ZBTB14: variants seen among roughly 807,000 people sequenced by gnomAD.
The protein encoded by ZBTB14 is zinc finger and BTB domain containing 14.
A neutral mutation model predicts 29.5 loss-of-function variants in ZBTB14; 8 were observed. The observed-to-expected ratio is 0.27, with a 90% CI of 0.16 to 0.49. The LOEUF (loss-of-function observed/expected upper bound fraction) is 0.49, where lower values mean the gene tolerates loss of function less well. Ranked by LOEUF, ZBTB14 falls within the 20% of genes least tolerant of loss-of-function variation. The pLI, the probability that ZBTB14 is intolerant of heterozygous loss-of-function variation, is 0.99. For synonymous variants in ZBTB14, 226 were observed against 207.2 expected (o/e 1.09, Z -0.78); for missense variants, 333 against 563.8 (o/e 0.59, Z 4.15).
chr18:5,294,054 T>A (rs189660334), intron 1 of ZBTB14, 53 bp from the exon 2 acceptor site: 1 of 152,338 alleles, frequency 6.6e-6, no homozygotes, highest in East Asian at 1.9e-4. Context: ...GATAAGTTGT[T>A]TGGTGTGGTA....
intron 3 of ZBTB14, 64 bp downstream of exon 3, chr18:5,293,180 T>C (rs1268066088): frequency 1.9e-6 from 3 of 1,558,254 alleles, no homozygotes; most frequent in East Asian, 2.2e-5. Flanking sequence ...AGAATTGGTA[T>C]ATATATTTTA....
intron 2 of ZBTB14, chr18:5,293,752 G>A (rs1278879067): frequency 2.2e-5 from 2 of 92,010 alleles, no homozygotes; most frequent in East Asian, 1.0e-3. Flanking sequence ...ACCTATAGAA[G>A]TATATACCTT....
In ZBTB14 at chr18:5,291,147, ACT is replaced by A; in HGVS notation, c.1059_1060del (p.Arg353SerfsTer4). The A allele has an allele frequency of 6.2e-7, 1 of 1,613,822 alleles. No homozygotes were observed. The highest frequency in any genetic ancestry group is 1.1e-5 in the South Asian group (1 of 91,082). Reference sequence around the variant, plus strand: ...CGCAAACGGTCTTTCATTACTGTGAACTCTCTCATGCTTCTTTAAGTCTGGGG... The same window carrying A: ...CGCAAACGGTCTTTCATTACTGTGAACTCTCATGCTTCTTTAAGTCTGGGG... On this transcript the variant is annotated frameshift_variant, in exon 4 of 4. Transcript: ENST00000651870. LOFTEE classifies it high-confidence loss of function. The surrounding 1 kb of genome is among the most constrained non-coding windows in gnomAD (Gnocchi z 5.8).
chr18:5,295,152 G>C (rs1308198398), intron 1 of ZBTB14, among the ~76,000 whole-genome samples: 6 of 144,680 alleles, frequency 4.1e-5, no homozygotes, highest in Non-Finnish European at 7.6e-5. Context: ...GCGGCGCGAC[G>C]AGCGGGAGCG....
chr18:5,291,832 G>C lies in ZBTB14; in HGVS notation c.376C>G (p.Gln126Glu), dbSNP rs773755916. ...GIRFLDKLCS[Q>E]KRDVSSPDEN... ...TCGGGACTGGACACATCACGCTTCT[G>C]AGAACACAGTTTATCCAAAAATCGG... Residue 126 changes from glutamine (Q) to glutamate (E), a missense_variant, in exon 4 of 4, where the codon CAG (glutamine) becomes GAG (glutamate). Physicochemically the swap from Gln to Glu is conservative, Grantham distance 29. Around this residue, in one of 3 missense-constraint regions of ZBTB14, gnomAD observed 67 missense variants for 157.0 expected, o/e 0.43. Coordinates refer to ENST00000651870, the MANE Select transcript of ZBTB14 (RefSeq NM_001243702.2). This position sits in a 1 kb window ranked among gnomAD's most constrained non-coding sequence, Gnocchi z 5.8. 1.2e-6 allele frequency: 2 copies of C among 1,614,066 alleles called. No homozygotes were observed. Among genetic ancestry groups the C allele is most frequent in the Non-Finnish European group, 1.7e-6 (2 of 1,179,988 alleles).
chr18:5,294,842 C>T (rs2071907090), intron 1 of ZBTB14: 1 of 152,132 alleles, frequency 6.6e-6, no homozygotes, highest in African/African-American at 2.4e-5. Flanking sequence ...GGCAGCCCGA[C>T]AATGGCGGCT....
rs762217065 is a variant in ZBTB14, at chr18:5,291,646, C to T, written c.562G>A (p.Gly188Ser). The stretch of plus-strand genomic sequence containing the variant: ...CTGAGCGTTGTGGTGGGCGACTTGC[C>T]GTCCTCCTGACTCGGGGGTGTGCCT... The part of the protein sequence containing the change: ...VEGTPPSQED[G>S]KSPTTTLRVQ... The change falls in exon 4 of 4, where the codon GGC becomes AGC. Residue 188 changes from glycine (G) to serine (S), a missense_variant. Around this residue, in one of 3 missense-constraint regions of ZBTB14, gnomAD observed 126 missense variants for 132.2 expected, o/e 0.95. Transcript: ENST00000651870. The surrounding 1 kb of genome is among the most constrained non-coding windows in gnomAD (Gnocchi z 5.8). 10 of 1,613,896 alleles carry T rather than the reference C, an allele frequency of 6.2e-6. No homozygotes were observed. Among genetic ancestry groups the T allele is most frequent in the African/African-American group, 2.7e-5 (2 of 74,898 alleles).
rs1042823721 is a variant in ZBTB14 at position 5,293,315 on chromosome 18, G to A, written c.-69C>T. 2 of 1,520,786 alleles carry A rather than the reference G, an allele frequency of 1.3e-6. No homozygotes were observed. Among genetic ancestry groups the A allele is most frequent in the Middle Eastern group, 1.7e-4 (1 of 5,830 alleles). The allele number at this position is 1,520,786 out of a possible 1,614,324, so 94.2% of individuals were successfully genotyped here. A position where few individuals can be genotyped will look rare whatever the true frequency, so the allele number is the denominator to read the frequency against. On this transcript the variant is annotated 5_prime_UTR_variant, in exon 3 of 4. Coordinates refer to ENST00000651870, the MANE Select transcript of ZBTB14 (RefSeq NM_001243702.2). ...TTCAGATCAGAGTAACTCTGATCAG[G>A]AGCACGCCAGACCTACAGAGGAAAG...
rs1287782954 is a variant in ZBTB14, at chr18:5,295,715, G to C, written c.-175C>G. 1 of 151,154 alleles carries C rather than the reference G, an allele frequency of 6.6e-6. No homozygotes were observed. The highest frequency in any genetic ancestry group is 2.0e-4 in the South Asian group (1 of 4,988). The allele number at this position is 151,154 out of a possible 1,614,324, so 9.4% of individuals were successfully genotyped here. A position where few individuals can be genotyped will look rare whatever the true frequency, so the allele number is the denominator to read the frequency against. Reference sequence around the variant, plus strand: ...TGGCTGGTGCCCCAGAGCTCGGCGAGAACGCGCGTCTTCCGGGCCGCCCCG... The same window carrying C: ...TGGCTGGTGCCCCAGAGCTCGGCGACAACGCGCGTCTTCCGGGCCGCCCCG... On this transcript the variant is annotated 5_prime_UTR_variant, in exon 1 of 4. Coordinates refer to ENST00000651870, the MANE Select transcript of ZBTB14 (RefSeq NM_001243702.2).
intron 1 of ZBTB14, among the ~76,000 whole-genome samples, 200 bp downstream of exon 1, chr18:5,295,452 G>C (rs1172357390): frequency 6.9e-6 from 1 of 145,152 alleles, no homozygotes; most frequent in Non-Finnish European, 1.5e-5. Context: ...CGCTGGGTTC[G>C]GGCCGTCCCC....
At position 5,291,385 on chromosome 18, in the gene ZBTB14, C is replaced by T; in HGVS notation, c.823G>A (p.Glu275Lys). 2 of 1,614,246 alleles carry T rather than the reference C, an allele frequency of 1.2e-6. No homozygotes were observed. Among genetic ancestry groups the T allele is most frequent in the Non-Finnish European group, 1.7e-6 (2 of 1,180,052 alleles). The change falls in exon 4 of 4, where the codon GAG becomes AAG. Residue 275 changes from glutamate to lysine, a missense_variant. Coordinates refer to ENST00000651870, the MANE Select transcript of ZBTB14 (RefSeq NM_001243702.2). The surrounding 1 kb of genome is among the most constrained non-coding windows in gnomAD (Gnocchi z 5.8). ...FEYLLYGHHR[E>K]QIACQACGKT... ...CCACACGCCTGGCAGGCAATCTGCT[C>T]CCGATGGTGACCATAAAGCAAATAC...
intron 3 of ZBTB14, among the ~76,000 whole-genome samples, chr18:5,292,463 A>G (rs1335372165): frequency 6.6e-6 from 1 of 152,198 alleles, no homozygotes; most frequent in African/African-American, 2.4e-5. Context: ...ACATGTTTTA[A>G]TTAATTTAAT....
At chr18:5,292,984 A>T (rs9952350) in intron 3 of ZBTB14, among the ~76,000 whole-genome samples, 151 of 152,116 alleles carry the variant, frequency 9.9e-4, no homozygotes, top group African/African-American at 3.4e-3. Flanking sequence ...ACCAGATGTA[A>T]GTACTTGATA....
chr18:5,293,924 C>T (rs1398508476), intron 2 of ZBTB14, 48 bp downstream of exon 2: 1 of 152,164 alleles, frequency 6.6e-6, no homozygotes, highest in African/African-American at 2.4e-5. Flanking sequence ...TCTATCCCTA[C>T]AATAAGGGTG....
chr18:5,295,023 C>A (rs1483532959), intron 1 of ZBTB14, among the ~76,000 whole-genome samples: 1 of 152,020 alleles, frequency 6.6e-6, no homozygotes, highest in Non-Finnish European at 1.5e-5. Flanking sequence ...ACAAAAGCTC[C>A]CAGCCTGGGA....
chr18:5,292,660 C>A (rs893742889), intron 3 of ZBTB14, among the ~76,000 whole-genome samples: 3 of 152,164 alleles, frequency 2.0e-5, no homozygotes, highest in Admixed American at 6.5e-5. Context: ...GAAACAGGTT[C>A]AAGGGAACAA....
At chr18:5,292,426 T>C (rs1458145574) in intron 3 of ZBTB14, among the ~76,000 whole-genome samples, 10 of 152,230 alleles carry the variant, frequency 6.6e-5, no homozygotes, top group Admixed American at 6.5e-4. Context: ...TGCCTAGTTA[T>C]ATCCCAGGCA....
Position 5,291,056 on chromosome 18 carries a change from T to C in ZBTB14, c.1152A>G (p.Arg384=). ...AGCCACACACAAAAGGCTTTTCCCC[T>C]CTGTGTCTTCTTTCATGATCCTTGA... The part of the protein sequence containing the change: ...SHLKDHERRH[R]GEKPFVCGSC... The change falls in exon 4 of 4, where the codon AGA becomes AGG. Residue 384 remains arginine (R), a synonymous_variant. Coordinates refer to ENST00000651870, the MANE Select transcript of ZBTB14 (RefSeq NM_001243702.2). This position sits in a 1 kb window ranked among gnomAD's most constrained non-coding sequence, Gnocchi z 5.8. The C allele has an allele frequency of 6.2e-7, 1 of 1,614,256 alleles. No individual in the cohort carries two copies. The highest frequency in any genetic ancestry group is 8.5e-7 in the Non-Finnish European group (1 of 1,180,032).
chr18:5,293,310 A>C lies in ZBTB14; in HGVS notation c.-64T>G. ...AAATCTTCAGATCAGAGTAACTCTG[A>C]TCAGGAGCACGCCAGACCTACAGAG... On this transcript the variant is annotated 5_prime_UTR_variant, in exon 3 of 4. Transcript: ENST00000651870. 1.9e-6 allele frequency: 3 copies of C among 1,581,934 alleles called. No individual in the cohort carries two copies. The South Asian group carries it at 3.4e-5, about 18-fold the overall frequency.
Sources: allele counts gnomAD v4.1 joint callset (sites outside exome capture counted in the v4.1 genomes callset), GRCh38; gene constraint gnomAD v4.1.1; regional missense constraint gnomAD v4.1.1; non-coding constraint Gnocchi (gnomAD v3.1); transcripts MANE v1.5; gene names NCBI Gene and HGNC (gene_info 2026-07-23, HGNC 2026-07-21).